The following ASAP2 variants were observed in gnomAD, a reference collection of about 807,000 sequenced individuals.
The protein encoded by ASAP2 is ArfGAP with SH3 domain, ankyrin repeat and PH domain 2.
ASAP2 carries 45 observed loss-of-function variants against 131.4 expected under a neutral mutation model. The observed-to-expected ratio is 0.34, with a 90% CI of 0.27 to 0.44. The LOEUF (loss-of-function observed/expected upper bound fraction) is 0.44. Ranked by LOEUF, ASAP2 falls within the 20% of genes least tolerant of loss-of-function variation. ASAP2 has a pLI of 1.00. For missense variants in ASAP2, 1,011 were observed against 1,297.0 expected (o/e 0.78, Z 3.39); for synonymous variants, 510 against 503.0 (o/e 1.01, Z -0.19).
intron 7 of ASAP2, among the ~76,000 whole-genome samples, chr2:9,333,571 A>G (rs970137019): frequency 1.3e-5 from 2 of 152,212 alleles, no homozygotes; most frequent in African/African-American, 2.4e-5. Context: ...GAGAAGAAAC[A>G]GAATGCAGAG....
intron 1 of ASAP2, among the ~76,000 whole-genome samples, chr2:9,250,495 C>G (rs1664630551): frequency 6.6e-6 from 1 of 152,226 alleles, no homozygotes; most frequent in African/African-American, 2.4e-5. Context: ...TCTTTAATCA[C>G]TTAAGCCTTG....
chr2:9,400,780 A>G lies in ASAP2; in HGVS notation c.2773A>G (p.Asn925Asp). 1 of 1,613,700 alleles carries G rather than the reference A, an allele frequency of 6.2e-7. No individual in the cohort carries two copies. Among genetic ancestry groups the G allele is most frequent in the Non-Finnish European group, 8.5e-7 (1 of 1,179,956 alleles). Residue 925 changes from asparagine (N) to aspartate (D), a missense_variant, in exon 26 of 28, where the codon AAT (asparagine) becomes GAT (aspartate). Physicochemically the swap from Asn to Asp is conservative, Grantham distance 23 (BLOSUM62 1). Around this residue, in one of 2 missense-constraint regions of ASAP2, gnomAD observed 652 missense variants for 698.9 expected, o/e 0.93. Transcript: ENST00000281419. ...AACGGAAGCTCTGGGTCCTCTGTCC[A>G]ATGCTATGGTCCTGCAGCCCCCTGC... ...SATEALGPLS[N>D]AMVLQPPAPM...
chr2:9,242,321 C>T (rs1664030441), intron 1 of ASAP2, among the ~76,000 whole-genome samples: 1 of 152,242 alleles, frequency 6.6e-6, no homozygotes, highest in Non-Finnish European at 1.5e-5. Context: ...AGCCTTGTGC[C>T]AGCACACTGG....
intron 2 of ASAP2, among the ~76,000 whole-genome samples, chr2:9,292,044 A>G (rs1461612233): frequency 2.6e-5 from 4 of 152,120 alleles, no homozygotes; most frequent in African/African-American, 9.7e-5. Flanking sequence ...GCTCTGCTGC[A>G]AACTCACTGT....
In ASAP2 at chr2:9,397,746, A is replaced by AT. The variant is rs1485608161; in HGVS notation, c.2685-2276dup. Among the ~76,000 whole-genome samples the AT allele has an allele frequency of 4.4e-3, 349 of 78,772 alleles. 5 individuals are homozygous for AT. Among genetic ancestry groups the AT allele is most frequent in the Non-Finnish European group, 6.2e-3 (282 of 45,580 alleles). 51.7% of individuals were successfully genotyped at this position (78,772 alleles called of 152,430 possible). ...CAAAAGGATATATATATATATATATATATATTTTTTTTTTTTTTTTTTTTT... is the reference window on the plus strand; with the variant it reads ...CAAAAGGATATATATATATATATATATTATATTTTTTTTTTTTTTTTTTTTT... On this transcript the variant is annotated intron_variant, in intron 24 of 27. Transcript: ENST00000281419.
chr2:9,269,212 G>C (rs1666164688), intron 1 of ASAP2, among the ~76,000 whole-genome samples: 1 of 151,582 alleles, frequency 6.6e-6, no homozygotes, highest in Non-Finnish European at 1.5e-5. Flanking sequence ...CAATTTTTTG[G>C]TAATGCAGGT....
rs769245970 is a variant in ASAP2 at position 9,358,998 on chromosome 2, C to A, written c.1461+109C>A. ...TAAGCTAGTGGTTGTTGATATGTTG[C>A]CAGATTGGTTTGGATAATTAGAAAC... On this transcript the variant is annotated intron_variant, in intron 15 of 27. Coordinates refer to ENST00000281419, the MANE Select transcript of ASAP2 (RefSeq NM_003887.3). 6.5e-4 allele frequency: 857 copies of A among 1,321,716 alleles called. 3 individuals are homozygous for A. Among genetic ancestry groups the A allele is most frequent in the Middle Eastern group, 4.1e-3 (15 of 3,688 alleles). The allele number at this position is 1,321,716 out of a possible 1,614,324, so 81.9% of individuals were successfully genotyped here.
chr2:9,278,907 G>T (rs367866019), intron 1 of ASAP2, among the ~76,000 whole-genome samples: 1 of 152,272 alleles, frequency 6.6e-6, no homozygotes, highest in Non-Finnish European at 1.5e-5. Context: ...TAGGGGGAAG[G>T]GGTGCAGGCA....
intron 1 of ASAP2, among the ~76,000 whole-genome samples, chr2:9,244,903 A>G (rs926768896): frequency 5.9e-5 from 9 of 152,212 alleles, no homozygotes; most frequent in Admixed American, 4.6e-4. Flanking sequence ...AAGAAAACTT[A>G]GTTACTTAGC....
At chr2:9,278,374 A>G (rs560449566) in intron 1 of ASAP2, among the ~76,000 whole-genome samples, 17 of 152,078 alleles carry the variant, frequency 1.1e-4, no homozygotes, top group Non-Finnish European at 7.4e-5. Flanking sequence ...TTAGCTGGGC[A>G]TGGTGGCATA....
intron 1 of ASAP2, among the ~76,000 whole-genome samples, chr2:9,269,769 CT>C (rs200478985): frequency 0.024 from 3,717 of 152,312 alleles, 76 homozygotes; most frequent in Non-Finnish European, 0.031. Flanking sequence ...TTGAATGAAT[CT>C]TTATAGAAAC....
intron 2 of ASAP2, among the ~76,000 whole-genome samples, chr2:9,290,465 C>T (rs1312319776): frequency 1.3e-5 from 2 of 152,326 alleles, no homozygotes; most frequent in Non-Finnish European, 2.9e-5. Flanking sequence ...CCATCTCGGC[C>T]TCCCAAAGTG....
chr2:9,210,853 TTTTTTAAAAG>T (rs1291141171), intron 1 of ASAP2, among the ~76,000 whole-genome samples: 1 of 151,698 alleles, frequency 6.6e-6, no homozygotes, highest in Non-Finnish European at 1.5e-5. Context: ...CCCATGTGTA[TTTTTTAAAAG>T]TTTGTTGTCA....
At chr2:9,395,212 C>T (rs1016793040) in intron 24 of ASAP2, among the ~76,000 whole-genome samples, 3 of 152,196 alleles carry the variant, frequency 2.0e-5, no homozygotes, top group Non-Finnish European at 2.9e-5. Context: ...ATGGCTCACG[C>T]CTGTAATCCC....
chr2:9,338,061 C>T (rs1367188374), intron 9 of ASAP2, among the ~76,000 whole-genome samples: 1 of 152,190 alleles, frequency 6.6e-6, no homozygotes, highest in East Asian at 1.9e-4. Flanking sequence ...CTCCTGCCTT[C>T]CCCATCCCAC....
intron 24 of ASAP2, among the ~76,000 whole-genome samples, chr2:9,397,089 G>A (rs532763340): frequency 8.9e-4 from 136 of 152,342 alleles, no homozygotes; most frequent in Admixed American, 2.9e-3. Context: ...GCTTTCCAGT[G>A]CTAATTATTT....
chr2:9,289,190 T>G (rs1467523045), intron 2 of ASAP2, among the ~76,000 whole-genome samples: 3 of 152,228 alleles, frequency 2.0e-5, no homozygotes, highest in Non-Finnish European at 2.9e-5. Flanking sequence ...GGGATGAAGT[T>G]CCTCATCTCT....
chr2:9,401,447 G>T, intron 27 of ASAP2, 51 bp downstream of exon 27: 8 of 1,596,434 alleles, frequency 5.0e-6, no homozygotes, highest in Non-Finnish European at 6.8e-6. Context: ...CCACGTCCCT[G>T]CCCACCTGGC....
At chr2:9,315,551 G>A (rs1410680482) in intron 3 of ASAP2, among the ~76,000 whole-genome samples, 1 of 152,162 alleles carries the variant, frequency 6.6e-6, no homozygotes, top group Non-Finnish European at 1.5e-5. Flanking sequence ...TTGGAGGAAG[G>A]AGAGCTGGCT....
Sources: allele counts gnomAD v4.1 joint callset (sites outside exome capture counted in the v4.1 genomes callset), GRCh38; gene constraint gnomAD v4.1.1; regional missense constraint gnomAD v4.1.1; transcripts MANE v1.5; gene names NCBI Gene and HGNC (gene_info 2026-07-23, HGNC 2026-07-21).